The following CHRM5 variants were observed in gnomAD, a reference collection of about 807,000 sequenced individuals.
The protein encoded by CHRM5 is muscarinic acetylcholine receptor M5.
CHRM5 carries 18 observed loss-of-function variants against 39.0 expected under a neutral mutation model. That is an observed-to-expected ratio of 0.46 (90% CI 0.32 to 0.68). The LOEUF is 0.68. CHRM5 is among the 30% of genes least tolerant of loss of function. The pLI is 0.04. For synonymous variants in CHRM5, 241 were observed against 246.3 expected, an observed-to-expected ratio of 0.98 and a Z score of 0.20; for missense variants, 515 against 651.1, an observed-to-expected ratio of 0.79 and a Z score of 2.28.
intron 2 of CHRM5, among the ~76,000 whole-genome samples, chr15:34,053,326 A>G (rs1157165610): frequency 1.5e-5 from 2 of 133,540 alleles, no homozygotes; most frequent in Admixed American, 1.5e-4. Flanking sequence ...AAAAATATAT[A>G]TATATATATA....
At chr15:34,035,489 C>T (rs1238723058) in intron 1 of CHRM5, among the ~76,000 whole-genome samples, 1 of 152,136 alleles carries the variant, frequency 6.6e-6, no homozygotes, top group Non-Finnish European at 1.5e-5. Context: ...GTCGAAAGAA[C>T]AGGCTCTGGA....
intron 1 of CHRM5, among the ~76,000 whole-genome samples, chr15:33,983,164 G>GTA (rs1555512756): frequency 3.2e-4 from 36 of 111,598 alleles, no homozygotes; most frequent in African/African-American, 1.6e-3. Context: ...GTGTGTATGT[G>GTA]TGTGTGTATA....
intron 1 of CHRM5, among the ~76,000 whole-genome samples, chr15:33,983,710 G>A (rs983650618): frequency 2.0e-5 from 3 of 152,028 alleles, no homozygotes; most frequent in South Asian, 2.1e-4. Context: ...TTAGTGACTC[G>A]CTGCTAGTGA....
chr15:34,010,932 A>C (rs776365495), intron 1 of CHRM5, among the ~76,000 whole-genome samples: 1 of 152,238 alleles, frequency 6.6e-6, no homozygotes, highest in African/African-American at 2.4e-5. Flanking sequence ...GCAACAACTT[A>C]CACTACTTTT....
intron 1 of CHRM5, among the ~76,000 whole-genome samples, chr15:33,970,323 T>G (rs1895580948): frequency 1.3e-5 from 2 of 151,990 alleles, no homozygotes; most frequent in South Asian, 4.1e-4. Flanking sequence ...ATATCATAAG[T>G]CTTTTACATC....
intron 2 of CHRM5, among the ~76,000 whole-genome samples, chr15:34,052,850 A>C (rs533323053): frequency 6.6e-6 from 1 of 152,322 alleles, no homozygotes; most frequent in Non-Finnish European, 1.5e-5. Flanking sequence ...CAGAGAGGAC[A>C]CAAACAAATG....
intron 1 of CHRM5, among the ~76,000 whole-genome samples, chr15:33,988,518 G>A (rs1219436305): frequency 3.9e-5 from 6 of 152,242 alleles, no homozygotes; most frequent in East Asian, 1.9e-4. Flanking sequence ...CACACAGCCT[G>A]CAACTGGTAG....
intron 1 of CHRM5, among the ~76,000 whole-genome samples, chr15:33,976,846 C>T (rs1390543565): frequency 6.6e-6 from 1 of 152,132 alleles, no homozygotes; most frequent in African/African-American, 2.4e-5. Context: ...GGCATAGAAA[C>T]ATAAGCTACT....
At chr15:34,015,301 G>C (rs1897841643) in intron 1 of CHRM5, among the ~76,000 whole-genome samples, 1 of 152,078 alleles carries the variant, frequency 6.6e-6, no homozygotes, top group African/African-American at 2.4e-5. Context: ...GGCTAACACA[G>C]TGAAACCCCA....
intron 1 of CHRM5, among the ~76,000 whole-genome samples, chr15:34,005,183 A>T (rs1243079110): frequency 6.6e-6 from 1 of 152,294 alleles, no homozygotes; most frequent in African/African-American, 2.4e-5. Flanking sequence ...TTTAAAAAAT[A>T]TTCTTCATCT....
rs535478273 is a variant in CHRM5, at chr15:34,044,225, C to T, written c.-407-2315C>T. On this transcript the variant is annotated intron_variant, in intron 1 of 2. Coordinates refer to ENST00000383263, the MANE Select transcript of CHRM5 (RefSeq NM_012125.4). ...TGTCTCCAATTCTCCTTCTCCCATT[C>T]GCTATTTTATCCACTCCTCAAGCCT... Among the ~76,000 whole-genome samples, 5 of 152,250 alleles carry T rather than the reference C, an allele frequency of 3.3e-5. No homozygotes were observed. The South Asian group carries it at 8.3e-4, about 25-fold the overall frequency.
intron 1 of CHRM5, among the ~76,000 whole-genome samples, chr15:33,983,177 TACACAC>T (rs1896248323): frequency 5.5e-4 from 67 of 122,360 alleles, no homozygotes; most frequent in Middle Eastern, 4.2e-3. Flanking sequence ...TGTGTATATA[TACACAC>T]GTGTGTGTAT....
intron 1 of CHRM5, among the ~76,000 whole-genome samples, chr15:34,031,444 G>T (rs1445606927): frequency 1.3e-5 from 2 of 152,050 alleles, no homozygotes. Flanking sequence ...CAAAGTGCTG[G>T]GATTACGGGC....
At chr15:34,041,890 G>A (rs912789777) in intron 1 of CHRM5, among the ~76,000 whole-genome samples, 15 of 152,158 alleles carry the variant, frequency 9.9e-5, no homozygotes, top group African/African-American at 3.1e-4. Flanking sequence ...ATGCCTGTAA[G>A]TCTATTCTGC....
intron 1 of CHRM5, among the ~76,000 whole-genome samples, chr15:33,984,060 A>G (rs1896312905): frequency 6.6e-6 from 1 of 152,174 alleles, no homozygotes; most frequent in South Asian, 2.1e-4. Flanking sequence ...AATACAAAGA[A>G]TAAATGTAAT....
chr15:34,059,181 G>A (rs1345111440), intron 2 of CHRM5, among the ~76,000 whole-genome samples: 1 of 152,156 alleles, frequency 6.6e-6, no homozygotes, highest in Non-Finnish European at 1.5e-5. Context: ...ACAGGCGTGA[G>A]CCACCACACC....
chr15:34,022,369 G>A (rs970023660), intron 1 of CHRM5, among the ~76,000 whole-genome samples: 1 of 152,114 alleles, frequency 6.6e-6, no homozygotes, highest in Non-Finnish European at 1.5e-5. Flanking sequence ...TTTCAATTGT[G>A]ACCTTTAGGA....
Position 34,063,100 on chromosome 15 carries a change from G to A in CHRM5, c.383G>A (p.Arg128His), listed in dbSNP as rs752179210. 10 of 1,613,992 alleles carry A rather than the reference G, an allele frequency of 6.2e-6. No homozygotes were observed. Among genetic ancestry groups the A allele is most frequent in the South Asian group, 1.1e-5 (1 of 91,080 alleles). ...VMNLLVISFD[R>H]YFSITRPLTY... The stretch of plus-strand genomic sequence containing the variant: ...AACCTTCTGGTGATCAGTTTTGACC[G>A]TTACTTTTCCATCACAAGACCCTTG... Residue 128 changes from arginine (R) to histidine (H), a missense_variant, in exon 3 of 3, where the codon CGT becomes CAT. Transcript: ENST00000383263. This position sits in a 1 kb window ranked among gnomAD's most constrained non-coding sequence, Gnocchi z 4.1.
intron 1 of CHRM5, among the ~76,000 whole-genome samples, chr15:34,009,018 C>T (rs1897513028): frequency 6.6e-6 from 1 of 150,448 alleles, no homozygotes; most frequent in South Asian, 2.1e-4. Context: ...AAGGAAAAAC[C>T]AACTCATCAC....
Sources: allele counts gnomAD v4.1 joint callset (sites outside exome capture counted in the v4.1 genomes callset), GRCh38; gene constraint gnomAD v4.1.1; non-coding constraint Gnocchi (gnomAD v3.1); transcripts MANE v1.5; gene names NCBI Gene and HGNC (gene_info 2026-07-23, HGNC 2026-07-21).